Variants in RPH3AL observed in about 807,000 individuals in gnomAD.
The protein encoded by RPH3AL is rabphilin 3A like (without C2 domains).
Under a neutral mutation model 43.1 loss-of-function variants are expected in RPH3AL, and 38 were observed. That is an observed-to-expected ratio of 0.88 (90% CI 0.68 to 1.15). RPH3AL has a LOEUF of 1.15. Among genes scored for constraint, RPH3AL ranks in the 50% most tolerant of loss-of-function variants. The probability of loss-of-function intolerance (pLI) is 0.00; values close to 1 mark genes in which losing one functional copy is unlikely to be tolerated. For missense variants in RPH3AL, 462 were observed against 423.2 expected (o/e 1.09, Z -0.81); for synonymous variants, 189 against 176.3 (o/e 1.07, Z -0.57).
chr17:246,992 C>A lies in RPH3AL; in HGVS notation c.613+119G>T. 1 of 1,096,120 alleles carries A rather than the reference C, an allele frequency of 9.1e-7. No homozygotes were observed. The highest frequency in any genetic ancestry group is 1.4e-6 in the Non-Finnish European group (1 of 732,120). 67.9% of individuals were successfully genotyped at this position (1,096,120 alleles called of 1,614,324 possible). A position where few individuals can be genotyped will look rare whatever the true frequency, so the allele number is the denominator to read the frequency against. On this transcript the variant is annotated intron_variant, in intron 7 of 9. Coordinates refer to ENST00000331302, the MANE Select transcript of RPH3AL (RefSeq NM_006987.4). The surrounding 1 kb of genome is among the most constrained non-coding windows in gnomAD (Gnocchi z 4.8). Reference sequence around the variant, plus strand: ...TGAGGGCACAGGGAGGGACGCATCACCAGAATGAGCCTCGTGGATGGAGGG... The same window carrying A: ...TGAGGGCACAGGGAGGGACGCATCAACAGAATGAGCCTCGTGGATGGAGGG...
chr17:334,809 A>G (rs1227696323), intron 1 of RPH3AL, among the ~76,000 whole-genome samples: 1 of 81,516 alleles, frequency 1.2e-5, no homozygotes. Context: ...GGACAAGGCA[A>G]CCACCCCCAG....
At chr17:298,258 A>C (rs752356264) in intron 5 of RPH3AL, among the ~76,000 whole-genome samples, 3 of 152,094 alleles carry the variant, frequency 2.0e-5, no homozygotes, top group Non-Finnish European at 2.9e-5. Flanking sequence ...GGGGCCCCTC[A>C]GTAGCCCTCC....
chr17:316,229 C>T (rs1337308820), intron 5 of RPH3AL, among the ~76,000 whole-genome samples: 1 of 141,394 alleles, frequency 7.1e-6, no homozygotes, highest in African/African-American at 2.5e-5. Context: ...CCTGTAGTCC[C>T]TGTGCCCCCA....
At chr17:233,887 CT>C (rs1290766987) in intron 7 of RPH3AL, among the ~76,000 whole-genome samples, 18 of 105,282 alleles carry the variant, frequency 1.7e-4, no homozygotes, top group Admixed American at 1.8e-4. Flanking sequence ...CCCTGACCAA[CT>C]TTCCCCCAAG....
chr17:241,902 G>C (rs772431245), intron 7 of RPH3AL, among the ~76,000 whole-genome samples: 22 of 152,102 alleles, frequency 1.4e-4, no homozygotes, highest in Non-Finnish European at 3.1e-4. Flanking sequence ...AATTGTTTGA[G>C]GCCAAGGGGT....
intron 6 of RPH3AL, among the ~76,000 whole-genome samples, chr17:277,857 A>AG (rs928509154): frequency 1.5e-4 from 23 of 151,772 alleles, no homozygotes; most frequent in Non-Finnish European, 4.4e-5. Context: ...CGGGAGGCTG[A>AG]GGGGGGAGGG....
intron 6 of RPH3AL, among the ~76,000 whole-genome samples, chr17:248,032 C>T (rs1023656672): frequency 6.6e-6 from 1 of 152,050 alleles, no homozygotes; most frequent in African/African-American, 2.4e-5. Flanking sequence ...GCTCTCCTCC[C>T]TGCCAGCTGA....
rs1365816172 is a variant in RPH3AL, at chr17:322,797, T to C, written c.78-1382A>G. Among the ~76,000 whole-genome samples the C allele has an allele frequency of 1.3e-5, 2 of 151,910 alleles. No individual in the cohort carries two copies. Among genetic ancestry groups the C allele is most frequent in the African/African-American group, 4.8e-5 (2 of 41,326 alleles). On this transcript the variant is annotated intron_variant, in intron 3 of 9. Transcript: ENST00000331302. The surrounding 1 kb of genome is among the most constrained non-coding windows in gnomAD (Gnocchi z 4.0). ...TAACGGTTCTCTGTGGCCGACACAA[T>C]AGGAGTTTGGAAAGCTAATACGCAT...
chr17:314,410 C>A (rs1555518065), intron 5 of RPH3AL, among the ~76,000 whole-genome samples: 3 of 131,286 alleles, frequency 2.3e-5, no homozygotes, highest in Middle Eastern at 3.9e-3. Flanking sequence ...CTCTGTGCCC[C>A]ACCTCCACTG....
chr17:316,535 G>C (rs1598108738), intron 5 of RPH3AL, among the ~76,000 whole-genome samples: 1 of 137,138 alleles, frequency 7.3e-6, no homozygotes, highest in African/African-American at 2.8e-5. Context: ...TGTAGTCCCT[G>C]TGACTCCACC....
At chr17:270,779 A>T (rs2151587179) in intron 6 of RPH3AL, among the ~76,000 whole-genome samples, 1 of 152,060 alleles carries the variant, frequency 6.6e-6, no homozygotes, top group East Asian at 1.9e-4. Context: ...CTTTAGTTTA[A>T]TTAGATCCCA....
intron 5 of RPH3AL, among the ~76,000 whole-genome samples, chr17:315,838 C>T (rs1051519090): frequency 1.7e-4 from 21 of 120,882 alleles, no homozygotes; most frequent in Admixed American, 3.2e-4. Context: ...TCCCTGTGCC[C>T]CCACCTCCAT....
chr17:253,483 G>A (rs1227120283), intron 6 of RPH3AL, among the ~76,000 whole-genome samples: 19 of 152,138 alleles, frequency 1.2e-4, no homozygotes, highest in African/African-American at 3.6e-4. Context: ...TTTGGCCTCC[G>A]GGTATGCGCA....
intron 2 of RPH3AL, chr17:332,124 T>TG (rs2044787270): frequency 2.9e-6 from 1 of 349,862 alleles, no homozygotes; most frequent in Non-Finnish European, 5.6e-6. Context: ...ACAGGGCTGG[T>TG]GGAGCTCTGC....
At chr17:280,104 T>C (rs59268905) in intron 6 of RPH3AL, among the ~76,000 whole-genome samples, 2,256 of 152,298 alleles carry the variant, frequency 0.015, 67 homozygotes, top group African/African-American at 0.051. Flanking sequence ...AAACAAGATC[T>C]ATATCTCCAT....
chr17:213,782 G>T lies in RPH3AL; in HGVS notation c.*70C>A. The T allele has an allele frequency of 7.7e-7, 1 of 1,303,456 alleles. No individual in the cohort carries two copies. The highest frequency in any genetic ancestry group is 1.1e-6 in the Non-Finnish European group (1 of 910,422). The allele number at this position is 1,303,456 out of a possible 1,614,324, so 80.7% of individuals were successfully genotyped here. ...GTGTCTGGTGAGGGCACAAGGACCGGTCAGGGAGGAGCCGGGCAGGGTCTG... is the reference window on the plus strand; with the variant it reads ...GTGTCTGGTGAGGGCACAAGGACCGTTCAGGGAGGAGCCGGGCAGGGTCTG... On this transcript the variant is annotated 3_prime_UTR_variant, in exon 10 of 10. Coordinates refer to ENST00000331302, the MANE Select transcript of RPH3AL (RefSeq NM_006987.4).
chr17:320,933 A>T (rs963193531), intron 4 of RPH3AL, among the ~76,000 whole-genome samples: 7 of 151,968 alleles, frequency 4.6e-5, no homozygotes, highest in African/African-American at 1.7e-4. Flanking sequence ...CTCCACCTGA[A>T]CCCCTCCCTT....
At chr17:300,197 GGCCTGC>G (rs1555564671) in intron 5 of RPH3AL, among the ~76,000 whole-genome samples, 4 of 85,846 alleles carry the variant, frequency 4.7e-5, no homozygotes, top group East Asian at 3.4e-4. Flanking sequence ...GCCCAGCCTA[GGCCTGC>G]AGAATCTCTC....
intron 1 of RPH3AL, chr17:341,237 C>G (rs975022433): frequency 1.3e-5 from 2 of 152,224 alleles, no homozygotes; most frequent in Non-Finnish European, 2.9e-5. Flanking sequence ...TTCTGGTGAA[C>G]GTGTCTGACC....
Sources: allele counts gnomAD v4.1 joint callset (sites outside exome capture counted in the v4.1 genomes callset), GRCh38; gene constraint gnomAD v4.1.1; non-coding constraint Gnocchi (gnomAD v3.1); transcripts MANE v1.5; gene names NCBI Gene and HGNC (gene_info 2026-07-23, HGNC 2026-07-21).